NCOR1: variants seen among roughly 807,000 people sequenced by gnomAD.
NCOR1 encodes nuclear receptor corepressor 1.
NCOR1 carries 63 observed loss-of-function variants against 288.1 expected under a neutral mutation model. The ratio of observed to expected loss-of-function variants is 0.22; its 90% CI spans 0.18 to 0.27. NCOR1 has a LOEUF of 0.27. Ranked by LOEUF, NCOR1 falls within the 10% of genes least tolerant of loss-of-function variation. NCOR1 has a pLI of 1.00. For missense variants in NCOR1, 2,397 were observed against 3,019.2 expected, an observed-to-expected ratio of 0.79 and a Z score of 4.83; for synonymous variants, 1,007 against 1,065.9, an observed-to-expected ratio of 0.94 and a Z score of 1.08.
Position 16,065,372 on chromosome 17 carries a change from A to G in NCOR1, c.4951+113T>C. 4 of 1,211,152 alleles carry G rather than the reference A, an allele frequency of 3.3e-6. No individual in the cohort carries two copies. In the South Asian group the frequency reaches 5.7e-5, roughly 17 times the overall value. 75.0% of individuals were successfully genotyped at this position (1,211,152 alleles called of 1,614,324 possible). A position where few individuals can be genotyped will look rare whatever the true frequency, so the allele number is the denominator to read the frequency against. On this transcript the variant is annotated intron_variant, in intron 33 of 45. Transcript: ENST00000268712. The stretch of plus-strand genomic sequence containing the variant: ...AAGTCTACGGGAGGAAGGATATAGT[A>G]TTCTTTTCTTTCTTTCTTTCCATCA...
intron 1 of NCOR1, among the ~76,000 whole-genome samples, chr17:16,199,216 AACACACACACACAC>A (rs148297225): frequency 8.2e-6 from 1 of 122,320 alleles, no homozygotes; most frequent in East Asian, 2.3e-4. Flanking sequence ...AAAAAAAAAA[AACACACACACACAC>A]ACACACACAC....
At position 16,114,929 on chromosome 17, in the gene NCOR1, G is replaced by A. The variant is rs140840228; in HGVS notation, c.2055+2959C>T. 9.3e-3 allele frequency among the ~76,000 whole-genome samples: 1,418 copies of A among 152,272 alleles called. 28 individuals are homozygous for A. The highest frequency in any genetic ancestry group is 0.033 in the African/African-American group (1,353 of 41,550). ...CTCCATTAGGCAGTGCACTAGTAGGGAGTCTGACCCCCCATTTCCCTTCTG... is the reference window on the plus strand; with the variant it reads ...CTCCATTAGGCAGTGCACTAGTAGGAAGTCTGACCCCCCATTTCCCTTCTG... On this transcript the variant is annotated intron_variant, in intron 18 of 45. Coordinates refer to ENST00000268712, the MANE Select transcript of NCOR1 (RefSeq NM_006311.4).
At chr17:16,162,974 C>A (rs2081170483) in intron 5 of NCOR1, among the ~76,000 whole-genome samples, 1 of 151,850 alleles carries the variant, frequency 6.6e-6, no homozygotes, top group Non-Finnish European at 1.5e-5. Context: ...CCTTAATAAC[C>A]CCAGGGGGTT....
At chr17:16,106,872 TATATATATA>T (rs1257821765) in intron 19 of NCOR1, among the ~76,000 whole-genome samples, 3 of 55,696 alleles carry the variant, frequency 5.4e-5, no homozygotes, top group East Asian at 4.0e-4. Flanking sequence ...TATATATATA[TATATATATA>T]TATTTTTTTT....
At chr17:16,112,123 C>T (rs753376776) in intron 18 of NCOR1, among the ~76,000 whole-genome samples, 2 of 152,154 alleles carry the variant, frequency 1.3e-5, no homozygotes, top group African/African-American at 4.8e-5. Context: ...CCCACCTTGA[C>T]GTCCCAAAGT....
chr17:16,156,511 G>C (rs1326263953), intron 6 of NCOR1, among the ~76,000 whole-genome samples: 1 of 149,738 alleles, frequency 6.7e-6, no homozygotes, highest in African/African-American at 2.5e-5. Context: ...GGGAGGAGGA[G>C]GGGGAGAAAA....
intron 21 of NCOR1, among the ~76,000 whole-genome samples, chr17:16,093,776 A>G (rs570037569): frequency 7.9e-5 from 12 of 152,330 alleles, no homozygotes; most frequent in African/African-American, 2.4e-4. Context: ...TCCAATGAAA[A>G]TATTATTTCT....
At chr17:16,126,286 TAA>T in intron 14 of NCOR1, 80 bp from the exon 15 acceptor site, 2 of 1,359,922 alleles carry the variant, frequency 1.5e-6, no homozygotes, top group East Asian at 2.6e-5. Flanking sequence ...TATGTCTATC[TAA>T]AAAAATTTTA....
chr17:16,207,019 C>T (rs1349083232), intron 1 of NCOR1, among the ~76,000 whole-genome samples: 1 of 152,086 alleles, frequency 6.6e-6, no homozygotes, highest in East Asian at 1.9e-4. Flanking sequence ...GTAACTTCTT[C>T]CTCCCCCCCA....
intron 19 of NCOR1, chr17:16,108,347 G>A (rs1344428116): frequency 3.1e-5 from 7 of 224,962 alleles, no homozygotes; most frequent in Admixed American, 5.3e-5. Flanking sequence ...CTTAAGTTTC[G>A]TGTTTTTTTT....
chr17:16,059,564 T>C (rs966211460), intron 37 of NCOR1, among the ~76,000 whole-genome samples: 15 of 152,184 alleles, frequency 9.9e-5, no homozygotes, highest in African/African-American at 3.4e-4. Flanking sequence ...CAGAGGGCTA[T>C]GCAGTGGGGC....
At chr17:16,140,237 C>G (rs1399148393) in intron 11 of NCOR1, among the ~76,000 whole-genome samples, 1 of 151,968 alleles carries the variant, frequency 6.6e-6, no homozygotes, top group Admixed American at 6.6e-5. Flanking sequence ...GAGATTTACT[C>G]GTCATTGTAG....
intron 19 of NCOR1, among the ~76,000 whole-genome samples, chr17:16,102,082 A>G (rs1168423996): frequency 6.6e-6 from 1 of 152,214 alleles, no homozygotes; most frequent in East Asian, 1.9e-4. Flanking sequence ...ACTAAACAAA[A>G]AACATTCCTA....
At chr17:16,159,520 C>G (rs2080402443) in intron 5 of NCOR1, among the ~76,000 whole-genome samples, 1 of 151,472 alleles carries the variant, frequency 6.6e-6, no homozygotes, top group African/African-American at 2.4e-5. Context: ...ATCACAATGA[C>G]CTTTGACAGC....
In NCOR1 at chr17:16,040,716, G is replaced by A. The variant is rs762409028; in HGVS notation, c.6680-222C>T. The A allele has an allele frequency of 9.5e-5, 54 of 567,370 alleles. 1 individual carries two copies. The East Asian group carries it at 1.6e-3, about 17-fold the overall frequency. 35.1% of individuals were successfully genotyped at this position (567,370 alleles called of 1,614,324 possible). On this transcript the variant is annotated intron_variant, in intron 42 of 45. Coordinates refer to ENST00000268712, the MANE Select transcript of NCOR1 (RefSeq NM_006311.4). ...ATTTTTAAAGGGAAATCAGGAAATA[G>A]GTAAGGTAGGAACATCAAAAGAAGA...
At chr17:16,210,677 T>C (rs1435458558) in intron 1 of NCOR1, among the ~76,000 whole-genome samples, 1 of 152,130 alleles carries the variant, frequency 6.6e-6, no homozygotes. Flanking sequence ...TATCTTAAAT[T>C]CAATACCTAA....
intron 1 of NCOR1, among the ~76,000 whole-genome samples, chr17:16,202,814 CTG>C (rs1368348390): frequency 2.0e-5 from 3 of 152,126 alleles, no homozygotes; most frequent in African/African-American, 7.2e-5. Flanking sequence ...TGAACAGACT[CTG>C]TTTTTTGCTG....
At chr17:16,040,017 G>C (rs11657160) in intron 43 of NCOR1, 214,644 of 387,842 alleles carry the variant, frequency 0.55, 61,616 homozygotes, top group African/African-American at 0.73. Context: ...CTCGAATTCC[G>C]AACCTCAGGT....
intron 6 of NCOR1, among the ~76,000 whole-genome samples, chr17:16,153,668 T>C (rs563498102): frequency 2.0e-5 from 3 of 152,310 alleles, no homozygotes; most frequent in South Asian, 4.1e-4. Flanking sequence ...TTGAAAGCAA[T>C]GCCTGAATAA....
Sources: allele counts gnomAD v4.1 joint callset (sites outside exome capture counted in the v4.1 genomes callset), GRCh38; gene constraint gnomAD v4.1.1; transcripts MANE v1.5; gene names NCBI Gene and HGNC (gene_info 2026-07-23, HGNC 2026-07-21).